Variants in SLC25A37 observed in about 807,000 individuals in gnomAD.
SLC25A37 encodes mitoferrin-1.
SLC25A37 carries 17 observed loss-of-function variants against 31.0 expected under a neutral mutation model. The ratio of observed to expected loss-of-function variants is 0.55; its 90% CI spans 0.38 to 0.82. SLC25A37 has a LOEUF of 0.82. Among genes scored for constraint, SLC25A37 ranks in the 40% least tolerant of loss-of-function variants. The pLI is 0.00. For missense variants in SLC25A37, 404 were observed against 465.8 expected (o/e 0.87, Z 1.22); for synonymous variants, 222 against 193.0 (o/e 1.15, Z -1.24).
In SLC25A37 at chr8:23,566,143, C is replaced by T. The variant is rs756232010; in HGVS notation, c.246C>T (p.Ala82=). Residue 82 remains alanine, a synonymous_variant, in exon 2 of 4, where the codon GCC becomes GCT. Transcript: ENST00000519973. ...AGAGTTTGAGTCCAGATCCCAAAGC[C>T]CAGTACACAAGTATCTACGGAGCCC... ...RMQSLSPDPK[A]QYTSIYGALK... The T allele has an allele frequency of 8.7e-6, 14 of 1,600,088 alleles. No individual in the cohort carries two copies. The African/African-American group carries it at 1.9e-4, about 22-fold the overall frequency.
Position 23,566,275 on chromosome 8 carries a change from A to G in SLC25A37, c.378A>G (p.Glu126=), listed in dbSNP as rs375312056. The change falls in exon 2 of 4, where the codon GAA becomes GAG. Residue 126 remains glutamate (E), a synonymous_variant. Transcript: ENST00000519973. ...ATGCCATGTATTTTGCCTGCTATGA[A>G]AACATGAAAAGGACTTTAAATGACG... ...PAHAMYFACY[E]NMKRTLNDVF... 2.8e-5 allele frequency: 44 copies of G among 1,598,582 alleles called. No homozygotes were observed. In the African/African-American group the frequency reaches 5.4e-4, roughly 20 times the overall value.
intron 1 of SLC25A37, among the ~76,000 whole-genome samples, chr8:23,537,605 C>T (rs147219431): frequency 8.2e-4 from 125 of 152,264 alleles, no homozygotes; most frequent in African/African-American, 2.9e-3. Flanking sequence ...GTAGCAGTGC[C>T]GATTCTGCCT....
intron 2 of SLC25A37, 84 bp from the exon 3 acceptor site, chr8:23,568,238 C>T (rs569722472): frequency 3.9e-5 from 58 of 1,491,946 alleles, no homozygotes; most frequent in Middle Eastern, 3.4e-4. Flanking sequence ...AAGCTAAGTC[C>T]TGGGTTCCGT....
chr8:23,535,872 A>G (rs1801757315), intron 1 of SLC25A37, among the ~76,000 whole-genome samples: 1 of 152,124 alleles, frequency 6.6e-6, no homozygotes, highest in Admixed American at 6.5e-5. Context: ...TGTGGGGGAA[A>G]CTGCCCCCAT....
chr8:23,547,216 C>T (rs968059004), intron 1 of SLC25A37, among the ~76,000 whole-genome samples: 7 of 152,026 alleles, frequency 4.6e-5, no homozygotes, highest in Non-Finnish European at 8.8e-5. Context: ...CTGAGTAGCT[C>T]GAGTGTAAGG....
At chr8:23,542,898 G>C (rs1169849275) in intron 1 of SLC25A37, among the ~76,000 whole-genome samples, 2 of 151,928 alleles carry the variant, frequency 1.3e-5, no homozygotes, top group Non-Finnish European at 2.9e-5. Flanking sequence ...AATAAAAAAT[G>C]TTAAAAGGAA....
At chr8:23,542,865 G>A (rs1339975103) in intron 1 of SLC25A37, among the ~76,000 whole-genome samples, 1 of 151,342 alleles carries the variant, frequency 6.6e-6, no homozygotes, top group Admixed American at 6.6e-5. Context: ...GTATGTTTAA[G>A]AAAAAAGTTT....
At chr8:23,554,535 T>C (rs540701208) in intron 1 of SLC25A37, among the ~76,000 whole-genome samples, 1 of 152,344 alleles carries the variant, frequency 6.6e-6, no homozygotes, top group Admixed American at 6.5e-5. Flanking sequence ...AACTTAATCC[T>C]TTTTGGTGGG....
rs1268710819 is a variant in SLC25A37 at position 23,573,111 on chromosome 8, G to A, written c.*1256G>A. 3 of 152,244 alleles carry A rather than the reference G, an allele frequency of 2.0e-5. No individual in the cohort carries two copies. The highest frequency in any genetic ancestry group is 6.5e-5 in the Admixed American group (1 of 15,280). 9.4% of individuals were successfully genotyped at this position (152,244 alleles called of 1,614,324 possible). Reference sequence around the variant, plus strand: ...TCTTGTCCCAACCATTAATTCTCATGTCACAGCTTCTCACTGCATGTGACA... The same window carrying A: ...TCTTGTCCCAACCATTAATTCTCATATCACAGCTTCTCACTGCATGTGACA... On this transcript the variant is annotated 3_prime_UTR_variant, in exon 4 of 4. Transcript: ENST00000519973.
intron 1 of SLC25A37, among the ~76,000 whole-genome samples, chr8:23,547,704 T>C (rs995444960): frequency 6.6e-6 from 1 of 152,252 alleles, no homozygotes. Context: ...GCGGCCCATG[T>C]ACCATGTTGG....
intron 1 of SLC25A37, among the ~76,000 whole-genome samples, chr8:23,555,606 T>C (rs1802343503): frequency 6.6e-6 from 1 of 152,220 alleles, no homozygotes; most frequent in South Asian, 2.1e-4. Flanking sequence ...GAAGCCCCAG[T>C]AGACCCTGAA....
In SLC25A37 at chr8:23,566,396, A is replaced by G. The variant is rs367715160; in HGVS notation, c.439+60A>G. The G allele has an allele frequency of 4.5e-5, 70 of 1,552,134 alleles. No homozygotes were observed. The African/African-American group carries it at 8.5e-4, about 19-fold the overall frequency. On this transcript the variant is annotated intron_variant, in intron 2 of 3. Coordinates refer to ENST00000519973, the MANE Select transcript of SLC25A37 (RefSeq NM_016612.4). ...TCTCTTCTTCAACACGTCCCTCCCCAGGGTGTTCCTCCCTGTGACCCAGCC... is the reference window on the plus strand; with the variant it reads ...TCTCTTCTTCAACACGTCCCTCCCCGGGGTGTTCCTCCCTGTGACCCAGCC...
Position 23,570,750 on chromosome 8 carries a change from C to T in SLC25A37, c.497-585C>T, listed in dbSNP as rs183540908. Among the ~76,000 whole-genome samples the T allele has an allele frequency of 9.2e-5, 14 of 152,324 alleles. No individual in the cohort carries two copies. The East Asian group carries it at 2.5e-3, about 27-fold the overall frequency. ...TTAAAACCCTGAGCCTAAGGTACCA[C>T]AGTTAGTCTCATTTGCCTCTTGTCC... On this transcript the variant is annotated intron_variant, in intron 3 of 3. Transcript: ENST00000519973.
At chr8:23,548,132 G>T (rs948900947) in intron 1 of SLC25A37, among the ~76,000 whole-genome samples, 2 of 152,160 alleles carry the variant, frequency 1.3e-5, no homozygotes, top group African/African-American at 2.4e-5. Context: ...TGTAGATTTC[G>T]CAGTGAGAAA....
intron 1 of SLC25A37, among the ~76,000 whole-genome samples, chr8:23,558,345 A>G (rs1285900272): frequency 1.3e-5 from 2 of 152,104 alleles, no homozygotes; most frequent in Admixed American, 6.5e-5. Flanking sequence ...TTTTGGTCCT[A>G]GGCCTGGATC....
chr8:23,538,674 G>A (rs1177291681), intron 1 of SLC25A37, among the ~76,000 whole-genome samples: 1 of 152,054 alleles, frequency 6.6e-6, no homozygotes, highest in Admixed American at 6.6e-5. Context: ...TAGACACTGG[G>A]CTACAAAAAT....
rs369375743 is a variant in SLC25A37, at chr8:23,566,302, T to C, written c.405T>C (p.Val135=). Residue 135 remains valine (V), a synonymous_variant, in exon 2 of 4, where the codon GTT becomes GTC. Transcript: ENST00000519973. ...ACATGAAAAGGACTTTAAATGACGT[T>C]TTCCACCACCAAGGAAACAGCCACC... ...YENMKRTLND[V]FHHQGNSHLA... 8 of 1,593,896 alleles carry C rather than the reference T, an allele frequency of 5.0e-6. No individual in the cohort carries two copies. The African/African-American group carries it at 9.5e-5, about 19-fold the overall frequency.
rs1432530346 is a variant in SLC25A37 at position 23,571,538 on chromosome 8, C to T, written c.700C>T (p.Pro234Ser). 7.4e-6 allele frequency: 12 copies of T among 1,613,836 alleles called. No individual in the cohort carries two copies. The Admixed American group carries it at 1.8e-4, about 25-fold the overall frequency. The change falls in exon 4 of 4, where the codon CCG (proline) becomes TCG (serine). Residue 234 changes from proline to serine, a missense_variant. By Grantham distance (74) the Pro-to-Ser change is moderately conservative (BLOSUM62 -1). Transcript: ENST00000519973. ...EQVNPHRTYN[P>S]QSHIISGGLA... ...GGTCAACCCCCACCGGACCTACAAC[C>T]CGCAGTCCCACATCATCTCAGGCGG...
intron 1 of SLC25A37, among the ~76,000 whole-genome samples, chr8:23,552,301 C>T (rs750314741): frequency 3.7e-4 from 57 of 152,278 alleles, no homozygotes; most frequent in Admixed American, 5.9e-4. Flanking sequence ...AAGGATTTCT[C>T]GTTCATCTCA....
Sources: allele counts gnomAD v4.1 joint callset (sites outside exome capture counted in the v4.1 genomes callset), GRCh38; gene constraint gnomAD v4.1.1; transcripts MANE v1.5; gene names NCBI Gene and HGNC (gene_info 2026-07-23, HGNC 2026-07-21).